RGS7: variants seen among roughly 807,000 people sequenced by gnomAD.
RGS7 encodes the protein regulator of G protein signaling 7.
RGS7 carries 27 observed loss-of-function variants against 81.1 expected under a neutral mutation model. The observed-to-expected ratio is 0.33, with a 90% CI of 0.25 to 0.46. The LOEUF (loss-of-function observed/expected upper bound fraction) is 0.46. RGS7 is among the 20% of genes least tolerant of loss of function. The pLI, the probability that RGS7 is intolerant of heterozygous loss-of-function variation, is 1.00. For missense variants in RGS7, 396 were observed against 607.4 expected, an observed-to-expected ratio of 0.65 and a Z score of 3.66; for synonymous variants, 208 against 207.7, an observed-to-expected ratio of 1.00 and a Z score of -0.01.
chr1:240,814,857 C>G, intron 11 of RGS7, 80 bp from the exon 12 acceptor site: 1 of 876,980 alleles, frequency 1.1e-6, no homozygotes, highest in Non-Finnish European at 2.0e-6. Context: ...ATCAGCTGGG[C>G]AATTCTGAAC....
intron 18 of RGS7, among the ~76,000 whole-genome samples, chr1:240,790,159 G>T (rs911942258): frequency 3.9e-5 from 6 of 152,088 alleles, no homozygotes; most frequent in Non-Finnish European, 8.8e-5. Context: ...TTCAGCTGGG[G>T]AGGTGGAAGT....
chr1:240,776,030 A>C lies in RGS7; in HGVS notation c.*190T>G. The C allele has an allele frequency of 2.6e-6, 2 of 758,818 alleles. No homozygotes were observed. Among genetic ancestry groups the C allele is most frequent in the Non-Finnish European group, 4.9e-6 (2 of 411,046 alleles). The allele number at this position is 758,818 out of a possible 1,614,324, so 47.0% of individuals were successfully genotyped here. On this transcript the variant is annotated 3_prime_UTR_variant, in exon 19 of 19. Coordinates refer to ENST00000440928, the MANE Select transcript of RGS7 (RefSeq NM_001364886.1). ...AGAGTCCATTGGAGATGGAATGTAC[A>C]CACAAAAATAACAATTTAGGTCCTT...
At chr1:241,233,876 C>T (rs762591157) in intron 2 of RGS7, among the ~76,000 whole-genome samples, 6 of 151,078 alleles carry the variant, frequency 4.0e-5, no homozygotes, top group Non-Finnish European at 7.4e-5. Context: ...CTACTAGCAA[C>T]GTATGAGGGT....
At chr1:241,260,413 C>T (rs1226814451) in intron 2 of RGS7, among the ~76,000 whole-genome samples, 1 of 152,184 alleles carries the variant, frequency 6.6e-6, no homozygotes, top group East Asian at 1.9e-4. Context: ...ATATCAAATA[C>T]TTGCTATTAC....
At chr1:240,833,607 A>G (rs973854726) in intron 9 of RGS7, among the ~76,000 whole-genome samples, 25 of 152,190 alleles carry the variant, frequency 1.6e-4, no homozygotes, top group South Asian at 4.1e-4. Context: ...GAGCATCTGT[A>G]TATATATTAA....
chr1:241,228,024 G>A (rs1054501476), intron 2 of RGS7, among the ~76,000 whole-genome samples: 2 of 152,176 alleles, frequency 1.3e-5, no homozygotes, highest in Non-Finnish European at 1.5e-5. Context: ...AGGTGGTGGT[G>A]AAAGTGACAC....
chr1:241,290,347 T>G (rs1297959933), intron 2 of RGS7, among the ~76,000 whole-genome samples: 1 of 152,190 alleles, frequency 6.6e-6, no homozygotes, highest in Non-Finnish European at 1.5e-5. Flanking sequence ...GCTAACAGAT[T>G]GAATTTTTAA....
intron 3 of RGS7, among the ~76,000 whole-genome samples, chr1:241,060,616 C>T (rs2061692216): frequency 1.3e-5 from 2 of 152,104 alleles, no homozygotes; most frequent in Non-Finnish European, 2.9e-5. Context: ...GTTTAGTTAA[C>T]TCCACATAGT....
Position 240,926,825 on chromosome 1 carries a change from C to T in RGS7, c.385+3892G>A, listed in dbSNP as rs887934447. ...CAGAAATCTTATCCAACTTGATTTT[C>T]GAAGAATGGAGTTTATAAAGATATA... is the stretch of plus-strand genomic sequence containing the variant. On this transcript the variant is annotated intron_variant, in intron 6 of 18. Coordinates refer to ENST00000440928, the MANE Select transcript of RGS7 (RefSeq NM_001364886.1). Among the ~76,000 whole-genome samples, 17 of 152,214 alleles carry T rather than the reference C, an allele frequency of 1.1e-4. 1 individual carries two copies. The highest frequency in any genetic ancestry group is 1.0e-3 in the South Asian group (5 of 4,824).
intron 3 of RGS7, among the ~76,000 whole-genome samples, chr1:240,985,210 G>T (rs1290765962): frequency 1.3e-5 from 2 of 152,198 alleles, no homozygotes; most frequent in Admixed American, 1.3e-4. Flanking sequence ...TCGATTCCCA[G>T]ATACACAAAT....
chr1:241,008,186 A>AAAATCTTTTG (rs1313838844), intron 3 of RGS7, among the ~76,000 whole-genome samples: 2 of 152,218 alleles, frequency 1.3e-5, no homozygotes, highest in Non-Finnish European at 1.5e-5. Context: ...AAAAAGACCA[A>AAAATCTTTTG]GTTTCTTTTA....
chr1:240,855,469 C>T (rs575722599), intron 9 of RGS7, among the ~76,000 whole-genome samples: 4 of 150,810 alleles, frequency 2.7e-5, no homozygotes, highest in South Asian at 2.1e-4. Flanking sequence ...CTCACTGTGT[C>T]GCCCAGGCTG....
Position 241,242,592 on chromosome 1 carries a change from C to T in RGS7, c.78+113107G>A, listed in dbSNP as rs117243206. ...TGGTTGTACTGGTTTACATTCCCACCAGTAGTGTAGAAGGTTTCCCTTTTT... is the reference window on the plus strand; with the variant it reads ...TGGTTGTACTGGTTTACATTCCCACTAGTAGTGTAGAAGGTTTCCCTTTTT... On this transcript the variant is annotated intron_variant, in intron 2 of 18. Coordinates refer to ENST00000440928, the MANE Select transcript of RGS7 (RefSeq NM_001364886.1). 5.9e-4 allele frequency among the ~76,000 whole-genome samples: 90 copies of T among 152,258 alleles called. 1 individual carries two copies. The East Asian group carries it at 0.015, about 25-fold the overall frequency.
At chr1:240,861,625 G>A (rs1404163565) in intron 9 of RGS7, among the ~76,000 whole-genome samples, 1 of 152,068 alleles carries the variant, frequency 6.6e-6, no homozygotes, top group Non-Finnish European at 1.5e-5. Context: ...CCAATGTGTG[G>A]TAAACCAATA....
chr1:240,784,743 C>T (rs561801142), intron 18 of RGS7, among the ~76,000 whole-genome samples: 12 of 151,840 alleles, frequency 7.9e-5, no homozygotes, highest in African/African-American at 1.4e-4. Flanking sequence ...CCACTGCCTC[C>T]GAGTCTCTCC....
At chr1:240,821,000 AT>A (rs1691682370) in intron 10 of RGS7, among the ~76,000 whole-genome samples, 2 of 152,162 alleles carry the variant, frequency 1.3e-5, no homozygotes, top group South Asian at 4.1e-4. Context: ...TAGAGAACAG[AT>A]TGTGACCATA....
At chr1:241,134,145 T>C (rs2067317204) in intron 2 of RGS7, among the ~76,000 whole-genome samples, 1 of 152,200 alleles carries the variant, frequency 6.6e-6, no homozygotes, top group Non-Finnish European at 1.5e-5. Flanking sequence ...GTTAAACAAG[T>C]TAGAATTTCT....
At chr1:240,911,685 A>G (rs964840085) in intron 6 of RGS7, among the ~76,000 whole-genome samples, 1 of 152,210 alleles carries the variant, frequency 6.6e-6, no homozygotes, top group Non-Finnish European at 1.5e-5. Context: ...ACTCATGCCC[A>G]GTGGACCATG....
intron 4 of RGS7, among the ~76,000 whole-genome samples, chr1:240,955,202 C>T (rs1415972138): frequency 6.6e-6 from 1 of 151,970 alleles, no homozygotes; most frequent in Non-Finnish European, 1.5e-5. Flanking sequence ...GTCAAAATCA[C>T]AGAAAGCTAT....
Sources: gnomAD v4.1 joint callset for allele counts (sites outside exome capture counted in the v4.1 genomes callset) on GRCh38, gnomAD v4.1.1 for gene constraint, MANE v1.5 for transcripts, NCBI Gene and HGNC (gene_info 2026-07-23, HGNC 2026-07-21) for gene names.